FAM193A: variants seen among roughly 807,000 people sequenced by gnomAD.
The protein encoded by FAM193A is family with sequence similarity 193 member A.
A neutral mutation model predicts 126.5 loss-of-function variants in FAM193A; 22 were observed. That is an observed-to-expected ratio of 0.17 (90% CI 0.12 to 0.25). FAM193A has a LOEUF of 0.25. FAM193A is among the 10% of genes least tolerant of loss of function. The pLI is 1.00. For synonymous variants in FAM193A, 761 were observed against 646.8 expected (o/e 1.18, Z -2.68); for missense variants, 1,675 against 1,672.8 (o/e 1.00, Z -0.02).
In FAM193A at chr4:2,653,014, G is replaced by A. The variant is rs117953550; in HGVS notation, c.1312-4789G>A. On this transcript the variant is annotated intron_variant, in intron 7 of 20. Transcript: ENST00000637812. ...CAGGCCTGTTGGGGTTTAGGTCAGC[G>A]GTGTCCTACGTAGCATAACATCCTG... Among the ~76,000 whole-genome samples, 1,083 of 152,258 alleles carry A rather than the reference G, an allele frequency of 7.1e-3. 38 individuals are homozygous for A. In the East Asian group the frequency reaches 0.09, roughly 13 times the overall value.
At chr4:2,719,951 G>C (rs771160943) in intron 20 of FAM193A, 1 of 311,426 alleles carries the variant, frequency 3.2e-6, no homozygotes, top group South Asian at 2.4e-5. Flanking sequence ...CACCATGCCT[G>C]GCTAATTTTT....
intron 2 of FAM193A, among the ~76,000 whole-genome samples, chr4:2,613,791 G>C (rs1742028380): frequency 7.8e-6 from 1 of 128,636 alleles, no homozygotes; most frequent in Non-Finnish European, 1.6e-5. Flanking sequence ...TTTTGAGACA[G>C]AGTCTCGCTT....
rs746251334 is a variant in FAM193A at position 2,699,926 on chromosome 4, T to C, written c.3754T>C (p.Ser1252Pro). 2 of 1,612,946 alleles carry C rather than the reference T, an allele frequency of 1.2e-6. No homozygotes were observed. The highest frequency in any genetic ancestry group is 3.3e-5 in the Admixed American group (2 of 59,922). ...TAGAAATTTCCAGGCAGCAACAGAG[T>C]CTGTTCCTAACTCTGGAAACATCCA... Reference protein sequence around the residue: ...LTRNFQAATESVPNSGNIHNG... With the variant: ...LTRNFQAATEPVPNSGNIHNG... Residue 1252 changes from serine (S) to proline (P), a missense_variant, in exon 19 of 21, where the codon TCT (serine) becomes CCT (proline). Ser to Pro is a moderately conservative substitution (Grantham distance 74). Coordinates refer to ENST00000637812, the MANE Select transcript of FAM193A (RefSeq NM_001366318.2).
At chr4:2,608,263 T>C (rs1741659734) in intron 2 of FAM193A, 1 of 718,516 alleles carries the variant, frequency 1.4e-6, no homozygotes, top group Non-Finnish European at 2.3e-6. Context: ...TCTGCAGCCT[T>C]CACCTCCTGT....
At chr4:2,585,756 G>T (rs950608371) in intron 1 of FAM193A, among the ~76,000 whole-genome samples, 26 of 152,060 alleles carry the variant, frequency 1.7e-4, no homozygotes, top group African/African-American at 6.3e-4. Flanking sequence ...GCAAAACCCC[G>T]TCTTTACTAA....
chr4:2,625,121 C>G, intron 2 of FAM193A, 141 bp from the exon 3 acceptor site: 1 of 566,436 alleles, frequency 1.8e-6, no homozygotes, highest in Admixed American at 3.1e-5. Flanking sequence ...GTGTGAGCCA[C>G]TGTATCTGGC....
intron 2 of FAM193A, among the ~76,000 whole-genome samples, chr4:2,603,451 A>ATTTT (rs71178489): frequency 1.0e-5 from 1 of 99,294 alleles, no homozygotes; most frequent in African/African-American, 4.4e-5. Context: ...CGCCCAGCTA[A>ATTTT]TTTTTTTTTT....
Position 2,631,017 on chromosome 4 carries a change from C to A in FAM193A, c.886C>A (p.Leu296Met). 6.2e-7 allele frequency: 1 copy of A among 1,613,700 alleles called. No homozygotes were observed. Among genetic ancestry groups the A allele is most frequent in the Non-Finnish European group, 8.5e-7 (1 of 1,180,024 alleles). ...GTATGTGCTGGAGATGAAGGTCCGC[C>A]TGCTCCGGCAGCTGTCGGCTGCGGC... ...REYVLEMKVR[L>M]LRQLSAAAKV... The change falls in exon 5 of 21, where the codon CTG becomes ATG. Residue 296 changes from leucine (L) to methionine (M), a missense_variant. By Grantham distance (15) the Leu-to-Met change is conservative (BLOSUM62 2). This residue lies in a region of FAM193A where 1,186 missense variants were observed against 1,109.2 expected (regional missense o/e 1.07). Transcript: ENST00000637812.
chr4:2,619,458 A>G lies in FAM193A; in HGVS notation c.502-5804A>G, dbSNP rs1216714333. 2.6e-5 allele frequency among the ~76,000 whole-genome samples: 4 copies of G among 151,928 alleles called. No individual in the cohort carries two copies. The East Asian group carries it at 7.8e-4, about 30-fold the overall frequency. ...GCTGGGATTACAGGCACGTGCCACCATGCTAATTTTTGTATTTTTGTATTT... is the reference window on the plus strand; with the variant it reads ...GCTGGGATTACAGGCACGTGCCACCGTGCTAATTTTTGTATTTTTGTATTT... On this transcript the variant is annotated intron_variant, in intron 2 of 20. Coordinates refer to ENST00000637812, the MANE Select transcript of FAM193A (RefSeq NM_001366318.2).
chr4:2,540,688 C>G (rs1048409074), intron 1 of FAM193A, among the ~76,000 whole-genome samples: 1 of 151,984 alleles, frequency 6.6e-6, no homozygotes, highest in East Asian at 1.9e-4. Flanking sequence ...AGGCCGAGTG[C>G]GGTGGCTCAC....
At chr4:2,557,111 A>G (rs1460292367) in intron 1 of FAM193A, among the ~76,000 whole-genome samples, 2 of 152,188 alleles carry the variant, frequency 1.3e-5, no homozygotes, top group African/African-American at 4.8e-5. Flanking sequence ...GGTAAAGCTT[A>G]ATTTGTAAAT....
chr4:2,603,168 A>AT (rs1339471828), intron 2 of FAM193A, among the ~76,000 whole-genome samples: 10 of 137,268 alleles, frequency 7.3e-5, no homozygotes, highest in Admixed American at 1.4e-4. Flanking sequence ...ATATATATAT[A>AT]TTTTTTAGTA....
intron 1 of FAM193A, among the ~76,000 whole-genome samples, chr4:2,558,631 T>G (rs1302968403): frequency 1.3e-5 from 2 of 152,190 alleles, no homozygotes; most frequent in African/African-American, 4.8e-5. Flanking sequence ...TCCTCCTGCC[T>G]TAGCCTCCTG....
intron 12 of FAM193A, among the ~76,000 whole-genome samples, chr4:2,668,152 G>A (rs1405628861): frequency 1.3e-5 from 2 of 151,330 alleles, no homozygotes; most frequent in African/African-American, 2.4e-5. Flanking sequence ...TGATTCTCCC[G>A]CCAGGAAATC....
chr4:2,625,719 C>CTTTTT (rs35220520), intron 3 of FAM193A, among the ~76,000 whole-genome samples: 7 of 79,316 alleles, frequency 8.8e-5, no homozygotes, highest in African/African-American at 1.8e-4. Context: ...TGGAGCTCAT[C>CTTTTT]TTTTTTTTTT....
At chr4:2,624,683 T>A (rs984648020) in intron 2 of FAM193A, among the ~76,000 whole-genome samples, 1 of 152,188 alleles carries the variant, frequency 6.6e-6, no homozygotes, top group Non-Finnish European at 1.5e-5. Flanking sequence ...CTTTTTAAAT[T>A]TAATATAAAT....
At chr4:2,715,917 C>T (rs1349001293) in intron 19 of FAM193A, 106 bp from the exon 20 acceptor site, 1 of 765,798 alleles carries the variant, frequency 1.3e-6, no homozygotes, top group Non-Finnish European at 2.3e-6. Flanking sequence ...AAAATGTTTA[C>T]AATTTTTGAA....
In FAM193A at chr4:2,622,338, G is replaced by A. The variant is rs1051793631; in HGVS notation, c.502-2924G>A. 1.6e-4 allele frequency among the ~76,000 whole-genome samples: 24 copies of A among 151,628 alleles called. 1 individual carries two copies. The highest frequency in any genetic ancestry group is 3.4e-3 in the Middle Eastern group (1 of 292). ...CCTCTTCCCCTCATGTTAAGTGATG[G>A]CAGGAGTCCCCAAGGGCAGAGGGCG... is the stretch of plus-strand genomic sequence containing the variant. On this transcript the variant is annotated intron_variant, in intron 2 of 20. Coordinates refer to ENST00000637812, the MANE Select transcript of FAM193A (RefSeq NM_001366318.2).
At chr4:2,714,672 T>C (rs1719352547) in intron 19 of FAM193A, among the ~76,000 whole-genome samples, 1 of 152,122 alleles carries the variant, frequency 6.6e-6, no homozygotes. Flanking sequence ...ACTTGCCTGG[T>C]GCTGTGTGAG....
Sources: gnomAD v4.1 joint callset for allele counts (sites outside exome capture counted in the v4.1 genomes callset) on GRCh38, gnomAD v4.1.1 for gene constraint, gnomAD v4.1.1 regional missense constraint, MANE v1.5 for transcripts, NCBI Gene and HGNC (gene_info 2026-07-23, HGNC 2026-07-21) for gene names.